The following SPON1 variants were observed in gnomAD, a reference collection of about 807,000 sequenced individuals.
SPON1 encodes spondin 1.
SPON1 carries 52 observed loss-of-function variants against 111.7 expected under a neutral mutation model. The observed-to-expected ratio is 0.47, with a 90% CI of 0.37 to 0.59. The LOEUF (loss-of-function observed/expected upper bound fraction) is 0.59, where lower values mean the gene tolerates loss of function less well. SPON1 is among the 20% of genes least tolerant of loss of function. The pLI is 0.00. For synonymous variants in SPON1, 410 were observed against 395.8 expected, an observed-to-expected ratio of 1.04 and a Z score of -0.43; for missense variants, 957 against 1,068.5, an observed-to-expected ratio of 0.90 and a Z score of 1.46.
Position 14,135,629 on chromosome 11 carries a change from A to G in SPON1, c.825+61A>G. On this transcript the variant is annotated intron_variant, in intron 6 of 15. Transcript: ENST00000576479. This position sits in a 1 kb window ranked among gnomAD's most constrained non-coding sequence, Gnocchi z 4.4. ...GAAATGCAGTCAAAGCACTCCTTAG[A>G]TATCTTTCCCAGGGGCTTGAAATTT... 6.5e-7 allele frequency: 1 copy of G among 1,544,942 alleles called. No homozygotes were observed. Among genetic ancestry groups the G allele is most frequent in the Non-Finnish European group, 8.9e-7 (1 of 1,127,536 alleles).
chr11:14,082,150 C>G (rs781952591), intron 5 of SPON1, among the ~76,000 whole-genome samples: 17 of 151,484 alleles, frequency 1.1e-4, no homozygotes, highest in Non-Finnish European at 1.9e-4. Context: ...CTTTCCTATT[C>G]TGCCACTGTC....
At chr11:13,992,503 G>T (rs1554911307) in intron 2 of SPON1, among the ~76,000 whole-genome samples, 1 of 152,154 alleles carries the variant, frequency 6.6e-6, no homozygotes, top group East Asian at 1.9e-4. Context: ...GCTCCGTGGG[G>T]GTGGGACCTG....
intron 2 of SPON1, among the ~76,000 whole-genome samples, chr11:14,040,211 A>G (rs1848622253): frequency 6.6e-6 from 1 of 152,216 alleles, no homozygotes; most frequent in South Asian, 2.1e-4. Flanking sequence ...CATTACATCA[A>G]TATTTGTGGA....
chr11:14,218,235 A>C (rs1042004946), intron 6 of SPON1, among the ~76,000 whole-genome samples: 1 of 152,120 alleles, frequency 6.6e-6, no homozygotes, highest in Admixed American at 6.6e-5. Flanking sequence ...CGACCTGGAA[A>C]ACCCAAATAT....
intron 6 of SPON1, among the ~76,000 whole-genome samples, chr11:14,205,329 GTCC>G (rs1277719661): frequency 6.6e-6 from 1 of 152,080 alleles, no homozygotes; most frequent in Non-Finnish European, 1.5e-5. Flanking sequence ...GTCTTATTCT[GTCC>G]TCCTCCATCT....
chr11:14,217,357 GA>G (rs1174097430), intron 6 of SPON1, among the ~76,000 whole-genome samples: 4 of 150,870 alleles, frequency 2.7e-5, no homozygotes, highest in South Asian at 2.1e-4. Context: ...ATTACGTAAA[GA>G]AAAAAAAAGA....
chr11:13,964,940 C>T (rs1240445367), intron 1 of SPON1, among the ~76,000 whole-genome samples: 10 of 151,830 alleles, frequency 6.6e-5, no homozygotes, highest in African/African-American at 2.2e-4. Flanking sequence ...GCTGTGTGAC[C>T]TTGTGCAAGT....
chr11:14,201,356 A>C (rs1441506011), intron 6 of SPON1, among the ~76,000 whole-genome samples: 1 of 38,014 alleles, frequency 2.6e-5, no homozygotes, highest in African/African-American at 2.3e-4. Flanking sequence ...ACAAAAAAAC[A>C]AAAAAACAAA....
intron 6 of SPON1, among the ~76,000 whole-genome samples, chr11:14,178,045 A>ACACACACACACACAC (rs1848197407): frequency 2.4e-4 from 34 of 142,702 alleles, no homozygotes; most frequent in East Asian, 1.5e-3. Context: ...CACACACACA[A>ACACACACACACACAC]ACACACACAC....
At chr11:14,143,160 T>C (rs1847676916) in intron 6 of SPON1, among the ~76,000 whole-genome samples, 1 of 152,198 alleles carries the variant, frequency 6.6e-6, no homozygotes, top group Admixed American at 6.5e-5. Context: ...TGGTGCCCCC[T>C]GCATCAGATA....
chr11:14,214,234 C>T (rs563654719), intron 6 of SPON1, among the ~76,000 whole-genome samples: 80 of 152,174 alleles, frequency 5.3e-4, no homozygotes, highest in Admixed American at 1.4e-3. Context: ...GGCCCCCATC[C>T]CTAGCCGGAT....
chr11:14,176,687 A>C (rs1848179297), intron 6 of SPON1, among the ~76,000 whole-genome samples: 1 of 152,158 alleles, frequency 6.6e-6, no homozygotes, highest in African/African-American at 2.4e-5. Flanking sequence ...CATTGCAATT[A>C]AATCCATGCA....
intron 2 of SPON1, among the ~76,000 whole-genome samples, chr11:14,026,232 G>T (rs1848517158): frequency 6.6e-6 from 1 of 152,194 alleles, no homozygotes; most frequent in Non-Finnish European, 1.5e-5. Context: ...TATTTGATTT[G>T]TTTTGCAAGT....
At chr11:14,037,741 T>C (rs904691144) in intron 2 of SPON1, among the ~76,000 whole-genome samples, 12 of 152,220 alleles carry the variant, frequency 7.9e-5, no homozygotes, top group Non-Finnish European at 5.9e-5. Context: ...TTGGACTTCA[T>C]TAAAATTTAA....
chr11:14,082,262 G>C (rs1404579735), intron 5 of SPON1, among the ~76,000 whole-genome samples: 5 of 152,154 alleles, frequency 3.3e-5, no homozygotes, highest in African/African-American at 1.2e-4. Flanking sequence ...GAGTTGTTGA[G>C]AGTTTCTTAG....
chr11:14,044,757 G>A (rs1229221629), intron 3 of SPON1, among the ~76,000 whole-genome samples: 2 of 152,190 alleles, frequency 1.3e-5, no homozygotes, highest in Non-Finnish European at 2.9e-5. Flanking sequence ...AAAGCACATA[G>A]TTTCATTCCT....
At chr11:14,253,449 A>T (rs1849073506) in intron 7 of SPON1, among the ~76,000 whole-genome samples, 1 of 152,220 alleles carries the variant, frequency 6.6e-6, no homozygotes, top group South Asian at 2.1e-4. Flanking sequence ...AGGTTTGATA[A>T]TCTGCCCAAG....
chr11:14,151,893 C>T (rs1469048087), intron 6 of SPON1, among the ~76,000 whole-genome samples: 2 of 152,114 alleles, frequency 1.3e-5, no homozygotes, highest in Admixed American at 1.3e-4. Context: ...GGTTTCCATC[C>T]CTAGAAGACC....
intron 3 of SPON1, among the ~76,000 whole-genome samples, chr11:14,067,870 A>G (rs940876844): frequency 1.3e-5 from 2 of 152,224 alleles, no homozygotes; most frequent in Non-Finnish European, 2.9e-5. Context: ...CTTGCTGTGC[A>G]GTGTTCTGAT....
Sources: allele counts gnomAD v4.1 joint callset (sites outside exome capture counted in the v4.1 genomes callset), GRCh38; gene constraint gnomAD v4.1.1; non-coding constraint Gnocchi (gnomAD v3.1); transcripts MANE v1.5; gene names NCBI Gene and HGNC (gene_info 2026-07-23, HGNC 2026-07-21).